EPHB1: variants seen among roughly 807,000 people sequenced by gnomAD.
The protein encoded by EPHB1 is ephrin type-B receptor 1.
EPHB1 carries 30 observed loss-of-function variants against 94.4 expected under a neutral mutation model. That is an observed-to-expected ratio of 0.32 (90% CI 0.24 to 0.43). The LOEUF is 0.43. EPHB1 is among the 20% of genes least tolerant of loss of function. EPHB1 has a pLI of 1.00. For missense variants in EPHB1, 1,055 were observed against 1,308.3 expected, an observed-to-expected ratio of 0.81 and a Z score of 2.99; for synonymous variants, 522 against 489.1, an observed-to-expected ratio of 1.07 and a Z score of -0.89.
intron 4 of EPHB1, among the ~76,000 whole-genome samples, chr3:135,118,246 A>G (rs1196182001): frequency 2.0e-5 from 3 of 152,224 alleles, no homozygotes; most frequent in East Asian, 1.9e-4. Context: ...GACAGAGACC[A>G]TACACCATTA....
intron 5 of EPHB1, among the ~76,000 whole-genome samples, chr3:135,134,831 TTC>T (rs778658050): frequency 7.2e-5 from 11 of 152,122 alleles, no homozygotes; most frequent in Non-Finnish European, 1.5e-4. Flanking sequence ...TGGCTGTCTT[TTC>T]TCTCTCTCTA....
chr3:134,893,499 C>A (rs73222690), intron 1 of EPHB1, among the ~76,000 whole-genome samples: 9,556 of 152,246 alleles, frequency 0.063, 336 homozygotes, highest in South Asian at 0.15. Flanking sequence ...TCCCACACCC[C>A]CTACACTCAC....
intron 11 of EPHB1, 75 bp downstream of exon 11, chr3:135,192,898 C>T: frequency 6.4e-7 from 1 of 1,552,524 alleles, no homozygotes; most frequent in East Asian, 2.3e-5. Context: ...GTTCCATGAG[C>T]ACAACCTACC....
At chr3:135,114,114 C>G (rs1939577965) in intron 4 of EPHB1, among the ~76,000 whole-genome samples, 1 of 152,204 alleles carries the variant, frequency 6.6e-6, no homozygotes. Context: ...TGGGTCTCCC[C>G]TATGTGCACT....
chr3:135,254,624 T>G (rs1281257195), intron 15 of EPHB1, among the ~76,000 whole-genome samples: 1 of 152,240 alleles, frequency 6.6e-6, no homozygotes, highest in Non-Finnish European at 1.5e-5. Context: ...GCCAGTATTT[T>G]ATTGAAGATT....
At chr3:135,231,483 G>A (rs1289127045) in intron 12 of EPHB1, among the ~76,000 whole-genome samples, 1 of 152,048 alleles carries the variant, frequency 6.6e-6, no homozygotes, top group Non-Finnish European at 1.5e-5. Flanking sequence ...CCTTTTTGTA[G>A]CTGCTGGAAA....
intron 1 of EPHB1, among the ~76,000 whole-genome samples, chr3:134,848,925 A>C (rs970763440): frequency 1.3e-5 from 2 of 152,226 alleles, no homozygotes; most frequent in Non-Finnish European, 2.9e-5. Context: ...TCAATCCAAT[A>C]CAAGAGCTGT....
At chr3:134,898,727 G>A (rs746474753) in intron 1 of EPHB1, among the ~76,000 whole-genome samples, 6 of 152,218 alleles carry the variant, frequency 3.9e-5, no homozygotes, top group Admixed American at 6.5e-5. Flanking sequence ...GCCCTGTCAC[G>A]TGTGTCATTT....
intron 15 of EPHB1, among the ~76,000 whole-genome samples, chr3:135,255,536 A>T (rs368374405): frequency 6.8e-6 from 1 of 146,246 alleles, no homozygotes; most frequent in African/African-American, 2.5e-5. Flanking sequence ...TTTGAGTGAG[A>T]TTCTTAATCC....
chr3:135,056,759 C>T (rs956627677), intron 3 of EPHB1, among the ~76,000 whole-genome samples: 13 of 152,322 alleles, frequency 8.5e-5, no homozygotes, highest in African/African-American at 1.2e-4. Flanking sequence ...CCCTCGCAGA[C>T]GAGACAGGTG....
At chr3:135,215,313 G>A (rs1328908218) in intron 12 of EPHB1, among the ~76,000 whole-genome samples, 1 of 152,000 alleles carries the variant, frequency 6.6e-6, no homozygotes, top group Admixed American at 6.6e-5. Context: ...ACAGGCATGC[G>A]CCTCCATACC....
At chr3:135,255,286 T>C (rs980847659) in intron 15 of EPHB1, among the ~76,000 whole-genome samples, 2 of 152,252 alleles carry the variant, frequency 1.3e-5, no homozygotes, top group Non-Finnish European at 2.9e-5. Context: ...GCTTTTCTAG[T>C]TCTTTTAATT....
intron 3 of EPHB1, among the ~76,000 whole-genome samples, chr3:134,979,821 A>G (rs188983995): frequency 1.3e-5 from 2 of 151,804 alleles, no homozygotes; most frequent in Admixed American, 1.3e-4. Flanking sequence ...AATGGAAACA[A>G]GAGTGCTTGA....
At chr3:135,112,756 A>G (rs571983929) in intron 4 of EPHB1, among the ~76,000 whole-genome samples, 1 of 151,978 alleles carries the variant, frequency 6.6e-6, no homozygotes, top group South Asian at 2.1e-4. Flanking sequence ...TCCATGGTGT[A>G]TATGTGCCAC....
rs777732731 is a variant in EPHB1, at chr3:135,241,214, A to G, written c.2413A>G (p.Ser805Gly). ...AIAYRKFTSA[S>G]DVWSYGIVMW... is the part of the protein sequence containing the mutation. ...CGCCTACCGCAAGTTCACTTCAGCCAGCGACGTTTGGAGCTATGGGATCGT... is the reference window on the plus strand; with the variant it reads ...CGCCTACCGCAAGTTCACTTCAGCCGGCGACGTTTGGAGCTATGGGATCGT... The change falls in exon 13 of 16, where the codon AGC (serine) becomes GGC (glycine). Residue 805 changes from serine to glycine, a missense_variant. Ser to Gly is a moderately conservative substitution (Grantham distance 56). Coordinates refer to ENST00000398015, the MANE Select transcript of EPHB1 (RefSeq NM_004441.5). 3.7e-6 allele frequency: 6 copies of G among 1,614,100 alleles called. No individual in the cohort carries two copies. Among genetic ancestry groups the G allele is most frequent in the Non-Finnish European group, 5.1e-6 (6 of 1,180,050 alleles).
intron 2 of EPHB1, among the ~76,000 whole-genome samples, chr3:134,939,628 G>T (rs1178602401): frequency 6.6e-6 from 1 of 152,148 alleles, no homozygotes; most frequent in Non-Finnish European, 1.5e-5. Flanking sequence ...TTAGTCTACT[G>T]TCTACACGGG....
intron 3 of EPHB1, among the ~76,000 whole-genome samples, chr3:135,020,359 A>C (rs1559797497): frequency 6.6e-6 from 1 of 152,184 alleles, no homozygotes; most frequent in African/African-American, 2.4e-5. Flanking sequence ...CCATCGCCAC[A>C]ATCAATTTTA....
intron 2 of EPHB1, among the ~76,000 whole-genome samples, chr3:134,947,478 A>G (rs2039236522): frequency 6.6e-6 from 1 of 152,216 alleles, no homozygotes; most frequent in Admixed American, 6.5e-5. Context: ...CCTTTTCCCA[A>G]CAACAGGGAG....
chr3:135,041,196 A>C (rs370352746), intron 3 of EPHB1, among the ~76,000 whole-genome samples: 1 of 152,148 alleles, frequency 6.6e-6, no homozygotes, highest in African/African-American at 2.4e-5. Context: ...TCAGCCTGCT[A>C]TTCTATTTTC....
Sources: gnomAD v4.1 joint callset for allele counts (sites outside exome capture counted in the v4.1 genomes callset) on GRCh38, gnomAD v4.1.1 for gene constraint, MANE v1.5 for transcripts, NCBI Gene and HGNC (gene_info 2026-07-23, HGNC 2026-07-21) for gene names.